LRRC4C: variants seen among roughly 807,000 people sequenced by gnomAD.
The protein encoded by LRRC4C is leucine rich repeat containing 4C.
In LRRC4C, 5 loss-of-function variants were observed where a neutral mutation model predicts 33.6. The observed-to-expected ratio is 0.15, with a 90% CI of 0.08 to 0.31. LRRC4C has a LOEUF of 0.31. Ranked by LOEUF, LRRC4C falls within the 10% of genes least tolerant of loss-of-function variation. The pLI, the probability that LRRC4C is intolerant of heterozygous loss-of-function variation, is 1.00. For missense variants in LRRC4C, 560 were observed against 796.7 expected (o/e 0.70, Z 3.58); for synonymous variants, 329 against 302.0 (o/e 1.09, Z -0.93).
chr11:41,112,188 T>G (rs1469091184), intron 1 of LRRC4C, among the ~76,000 whole-genome samples: 1 of 152,066 alleles, frequency 6.6e-6, no homozygotes, highest in East Asian at 1.9e-4. Context: ...CAAGCTAATG[T>G]ATCAAGATGT....
At chr11:40,241,383 G>C (rs1272477898) in intron 5 of LRRC4C, 136 bp downstream of exon 5, 1 of 151,998 alleles carries the variant, frequency 6.6e-6, no homozygotes, top group Non-Finnish European at 1.5e-5. Context: ...CCCTGTCTCA[G>C]AGAAATGAAT....
chr11:40,501,147 G>C lies in LRRC4C; in HGVS notation c.-270+146995C>G, dbSNP rs546595396. ...AGGTCACACTGGTGCAAGGGGGTGGGTTCCCATGGAACCCACAACAACTGA... is the reference window on the plus strand; with the variant it reads ...AGGTCACACTGGTGCAAGGGGGTGGCTTCCCATGGAACCCACAACAACTGA... On this transcript the variant is annotated intron_variant, in intron 3 of 6. Coordinates refer to ENST00000528697, the MANE Select transcript of LRRC4C (RefSeq NM_001258419.2). Among the ~76,000 whole-genome samples, 8 of 151,898 alleles carry C rather than the reference G, an allele frequency of 5.3e-5. No individual in the cohort carries two copies. In the East Asian group the frequency reaches 1.6e-3, roughly 30 times the overall value.
At chr11:40,444,812 G>A (rs1489519017) in intron 3 of LRRC4C, among the ~76,000 whole-genome samples, 1 of 152,166 alleles carries the variant, frequency 6.6e-6, no homozygotes, top group African/African-American at 2.4e-5. Flanking sequence ...CTCTGAAAGT[G>A]AATTAGCTGC....
At chr11:41,144,509 T>C (rs758366052) in intron 1 of LRRC4C, among the ~76,000 whole-genome samples, 31 of 152,204 alleles carry the variant, frequency 2.0e-4, no homozygotes, top group Non-Finnish European at 3.7e-4. Flanking sequence ...TAGCCAATAT[T>C]ATGAGTTTGT....
At chr11:41,227,078 T>C (rs1300983513) in intron 1 of LRRC4C, among the ~76,000 whole-genome samples, 2 of 151,946 alleles carry the variant, frequency 1.3e-5, no homozygotes, top group African/African-American at 4.8e-5. Context: ...GACTAGTAAT[T>C]TAACTGTCAC....
chr11:40,306,959 T>C (rs1025235982), intron 4 of LRRC4C, among the ~76,000 whole-genome samples: 1 of 151,722 alleles, frequency 6.6e-6, no homozygotes, highest in Non-Finnish European at 1.5e-5. Context: ...TTTTTCTCTC[T>C]GTGGCACAAT....
chr11:40,287,252 C>A (rs1216901463), intron 4 of LRRC4C, among the ~76,000 whole-genome samples: 1 of 103,532 alleles, frequency 9.7e-6, no homozygotes, highest in Non-Finnish European at 1.9e-5. Context: ...CTTAATGTCA[C>A]TGTATGTGTG....
chr11:41,273,343 C>T (rs1299038593), intron 1 of LRRC4C, among the ~76,000 whole-genome samples: 2 of 152,144 alleles, frequency 1.3e-5, no homozygotes, highest in African/African-American at 4.8e-5. Context: ...TGAAAGCAAC[C>T]TAAATGACTC....
rs114672824 is a variant in LRRC4C, at chr11:41,149,107, A to G, written c.-495-215384T>C. Among the ~76,000 whole-genome samples, 312 of 150,480 alleles carry G rather than the reference A, an allele frequency of 2.1e-3. 1 individual carries two copies. Among genetic ancestry groups the G allele is most frequent in the Middle Eastern group, 6.8e-3 (2 of 294 alleles). ...AGAATTTATTTTTTCAGAAAAAAAC[A>G]AAAAAGGATCATTTTTAAACTCAAT... On this transcript the variant is annotated intron_variant, in intron 1 of 6. Coordinates refer to ENST00000528697, the MANE Select transcript of LRRC4C (RefSeq NM_001258419.2).
At chr11:40,629,323 A>G (rs2136003560) in intron 3 of LRRC4C, among the ~76,000 whole-genome samples, 1 of 152,244 alleles carries the variant, frequency 6.6e-6, no homozygotes, top group East Asian at 1.9e-4. Flanking sequence ...GCTGTTTTGT[A>G]ATCATCACAA....
chr11:40,541,836 C>T (rs922264489), intron 3 of LRRC4C, among the ~76,000 whole-genome samples: 1 of 152,088 alleles, frequency 6.6e-6, no homozygotes, highest in African/African-American at 2.4e-5. Flanking sequence ...GCCAAGAATG[C>T]TATGGATAGG....
At chr11:41,068,928 G>C (rs1938469742) in intron 1 of LRRC4C, among the ~76,000 whole-genome samples, 1 of 152,144 alleles carries the variant, frequency 6.6e-6, no homozygotes, top group Non-Finnish European at 1.5e-5. Flanking sequence ...TATGAGGCCA[G>C]CATAATTCTG....
intron 1 of LRRC4C, among the ~76,000 whole-genome samples, chr11:41,270,610 A>G (rs1233803443): frequency 6.6e-6 from 1 of 152,088 alleles, no homozygotes; most frequent in Non-Finnish European, 1.5e-5. Context: ...ACTGCCAAAT[A>G]AAACCGTACC....
chr11:40,665,885 T>G (rs745775263), intron 2 of LRRC4C, among the ~76,000 whole-genome samples: 20 of 152,080 alleles, frequency 1.3e-4, no homozygotes, highest in Non-Finnish European at 2.6e-4. Flanking sequence ...TTTAATAGAA[T>G]AGAATACAAT....
In LRRC4C at chr11:41,168,138, C is replaced by A. The variant is rs1461767136; in HGVS notation, c.-495-234415G>T. 5.3e-5 allele frequency among the ~76,000 whole-genome samples: 8 copies of A among 152,220 alleles called. No homozygotes were observed. The South Asian group carries it at 8.3e-4, about 16-fold the overall frequency. On this transcript the variant is annotated intron_variant, in intron 1 of 6. Transcript: ENST00000528697. ...CACCTGCAGGGACAAAGCAGGTAAC[C>A]CAACCTGGATGTTTCTGGTACTGAT...
Position 40,142,739 on chromosome 11 carries a change from AT to A in LRRC4C, c.-95-1887del, listed in dbSNP as rs954866940. 9.2e-5 allele frequency among the ~76,000 whole-genome samples: 14 copies of A among 151,602 alleles called. 1 individual carries two copies. Among genetic ancestry groups the A allele is most frequent in the Admixed American group, 8.5e-4 (13 of 15,222 alleles). ...AAATCAGTGGACCTCTTATTTATCT[AT>A]ACTCACTCTCTAGGTGGTCGTATAA... On this transcript the variant is annotated intron_variant, in intron 5 of 6. Coordinates refer to ENST00000528697, the MANE Select transcript of LRRC4C (RefSeq NM_001258419.2).
At chr11:41,364,914 T>C (rs1388363655) in intron 1 of LRRC4C, among the ~76,000 whole-genome samples, 1 of 152,166 alleles carries the variant, frequency 6.6e-6, no homozygotes, top group Non-Finnish European at 1.5e-5. Flanking sequence ...TATAACTTAC[T>C]TGGTCCTTCA....
intron 3 of LRRC4C, among the ~76,000 whole-genome samples, chr11:40,642,124 G>T (rs1469874050): frequency 6.6e-6 from 1 of 151,256 alleles, no homozygotes; most frequent in Non-Finnish European, 1.5e-5. Flanking sequence ...CTCTCTATAT[G>T]GTATAATATG....
chr11:40,409,645 T>C (rs1344729651), intron 3 of LRRC4C, among the ~76,000 whole-genome samples: 1 of 152,050 alleles, frequency 6.6e-6, no homozygotes, highest in Non-Finnish European at 1.5e-5. Flanking sequence ...TCAACATCAT[T>C]AATCGTCAGG....
Sources: allele counts gnomAD v4.1 joint callset (sites outside exome capture counted in the v4.1 genomes callset), GRCh38; gene constraint gnomAD v4.1.1; transcripts MANE v1.5; gene names NCBI Gene and HGNC (gene_info 2026-07-23, HGNC 2026-07-21).